NKAIN2: variants seen among roughly 807,000 people sequenced by gnomAD.
NKAIN2 encodes the protein sodium/potassium-transporting ATPase subunit beta-1-interacting protein 2.
In NKAIN2, 14 loss-of-function variants were observed where a neutral mutation model predicts 32.6. That is an observed-to-expected ratio of 0.43 (90% CI 0.28 to 0.67). The LOEUF (loss-of-function observed/expected upper bound fraction) is 0.67, where lower values mean the gene tolerates loss of function less well. Among genes scored for constraint, NKAIN2 ranks in the 30% least tolerant of loss-of-function variants. NKAIN2 has a pLI of 0.17. For missense variants in NKAIN2, 198 were observed against 258.3 expected, an observed-to-expected ratio of 0.77 and a Z score of 1.60; for synonymous variants, 80 against 87.2, an observed-to-expected ratio of 0.92 and a Z score of 0.46.
chr6:124,682,877 G>A (rs749025866), intron 4 of NKAIN2, among the ~76,000 whole-genome samples: 1 of 152,092 alleles, frequency 6.6e-6, no homozygotes, highest in Non-Finnish European at 1.5e-5. Flanking sequence ...TTACCTCTTT[G>A]CTTTACTCAG....
At chr6:123,895,847 G>A (rs1256452166) in intron 1 of NKAIN2, among the ~76,000 whole-genome samples, 1 of 152,288 alleles carries the variant, frequency 6.6e-6, no homozygotes, top group African/African-American at 2.4e-5. Context: ...GGACTCGAGA[G>A]GTTGATGAAT....
chr6:124,340,286 C>T (rs1798062783), intron 2 of NKAIN2, among the ~76,000 whole-genome samples: 1 of 152,130 alleles, frequency 6.6e-6, no homozygotes, highest in Non-Finnish European at 1.5e-5. Flanking sequence ...TACACATCTA[C>T]ATCTTAAAGC....
intron 1 of NKAIN2, among the ~76,000 whole-genome samples, chr6:124,051,688 G>T (rs1350817558): frequency 6.6e-6 from 1 of 151,932 alleles, no homozygotes; most frequent in Non-Finnish European, 1.5e-5. Context: ...AGAGTTTGCA[G>T]TGCCAAGTTA....
intron 1 of NKAIN2, among the ~76,000 whole-genome samples, chr6:123,865,287 T>G (rs1284064271): frequency 6.6e-6 from 1 of 152,032 alleles, no homozygotes; most frequent in Non-Finnish European, 1.5e-5. Flanking sequence ...TATTAATAGT[T>G]TTTGGACAGT....
At chr6:124,256,270 A>G (rs1433864495) in intron 1 of NKAIN2, among the ~76,000 whole-genome samples, 4 of 152,194 alleles carry the variant, frequency 2.6e-5, no homozygotes, top group Non-Finnish European at 4.4e-5. Context: ...TTGGTTTATG[A>G]TGAAGGTGAT....
intron 3 of NKAIN2, among the ~76,000 whole-genome samples, chr6:124,593,969 C>T (rs983974568): frequency 2.0e-5 from 3 of 152,112 alleles, no homozygotes; most frequent in Non-Finnish European, 2.9e-5. Flanking sequence ...TGACTTAATA[C>T]GTTTAAAGTC....
intron 5 of NKAIN2, among the ~76,000 whole-genome samples, chr6:124,795,448 C>T (rs1324115798): frequency 6.6e-6 from 1 of 152,124 alleles, no homozygotes; most frequent in African/African-American, 2.4e-5. Context: ...ATCATTGAAA[C>T]AGAGAGTTAG....
At chr6:124,702,113 A>G (rs538048573) in intron 4 of NKAIN2, among the ~76,000 whole-genome samples, 21 of 152,270 alleles carry the variant, frequency 1.4e-4, no homozygotes, top group African/African-American at 5.1e-4. Flanking sequence ...AATTTCAAAT[A>G]CTGCTATATA....
intron 3 of NKAIN2, among the ~76,000 whole-genome samples, chr6:124,396,135 T>C (rs1012370042): frequency 6.6e-6 from 1 of 152,138 alleles, no homozygotes; most frequent in Non-Finnish European, 1.5e-5. Context: ...TCTAGGACTT[T>C]ATCTTATTAA....
chr6:124,594,190 C>T (rs2114967015), intron 3 of NKAIN2, among the ~76,000 whole-genome samples: 1 of 152,332 alleles, frequency 6.6e-6, no homozygotes, highest in South Asian at 2.1e-4. Flanking sequence ...CAGCTATGAA[C>T]TGAAGGGTCT....
intron 6 of NKAIN2, among the ~76,000 whole-genome samples, chr6:124,820,070 TTTTA>T (rs1388332469): frequency 6.6e-6 from 1 of 152,166 alleles, no homozygotes; most frequent in African/African-American, 2.4e-5. Context: ...CTAATATTTC[TTTTA>T]TTTCTTTCCC....
intron 1 of NKAIN2, among the ~76,000 whole-genome samples, chr6:124,242,321 A>G (rs1793149174): frequency 6.6e-6 from 1 of 152,208 alleles, no homozygotes; most frequent in South Asian, 2.1e-4. Context: ...CATTAGAGAA[A>G]TGCAAATCAA....
chr6:124,338,901 T>C (rs926437827), intron 2 of NKAIN2, among the ~76,000 whole-genome samples: 1 of 152,248 alleles, frequency 6.6e-6, no homozygotes, highest in Non-Finnish European at 1.5e-5. Flanking sequence ...TATTTAGATA[T>C]TACACTCTTC....
intron 5 of NKAIN2, among the ~76,000 whole-genome samples, chr6:124,813,546 ATCAG>A (rs1781011026): frequency 6.6e-6 from 1 of 152,200 alleles, no homozygotes; most frequent in African/African-American, 2.4e-5. Context: ...CTAGAATGGC[ATCAG>A]TCAAATGCAG....
intron 1 of NKAIN2, among the ~76,000 whole-genome samples, chr6:124,155,653 A>G (rs1787948940): frequency 6.6e-6 from 1 of 151,742 alleles, no homozygotes; most frequent in Admixed American, 6.6e-5. Context: ...GATATGATTT[A>G]ACAATTCCAT....
chr6:124,279,437 G>A (rs1273358961), intron 1 of NKAIN2, among the ~76,000 whole-genome samples: 1 of 148,112 alleles, frequency 6.8e-6, no homozygotes, highest in Admixed American at 6.8e-5. Context: ...AACCTGGGAG[G>A]CAGAGCTTGC....
chr6:124,560,939 G>A (rs1306510541), intron 3 of NKAIN2, among the ~76,000 whole-genome samples: 1 of 152,170 alleles, frequency 6.6e-6, no homozygotes, highest in Non-Finnish European at 1.5e-5. Context: ...GAGGTAGGCA[G>A]ATGATTAAGG....
chr6:124,110,133 C>G (rs1051762719), intron 1 of NKAIN2, among the ~76,000 whole-genome samples: 6 of 148,612 alleles, frequency 4.0e-5, no homozygotes, highest in African/African-American at 7.4e-5. Context: ...AATGTTCCCT[C>G]ATTTTCTTTT....
chr6:124,167,821 T>G (rs1788637426), intron 1 of NKAIN2, among the ~76,000 whole-genome samples: 1 of 152,236 alleles, frequency 6.6e-6, no homozygotes, highest in African/African-American at 2.4e-5. Context: ...TGGATTACAT[T>G]TATTGATTTG....
Sources: allele counts gnomAD v4.1 joint callset (sites outside exome capture counted in the v4.1 genomes callset), GRCh38; gene constraint gnomAD v4.1.1; transcripts MANE v1.5; gene names NCBI Gene and HGNC (gene_info 2026-07-23, HGNC 2026-07-21).